The following COBL variants were observed in gnomAD, a reference collection of about 807,000 sequenced individuals.
COBL encodes the protein protein cordon-bleu.
In COBL, 51 loss-of-function variants were observed where a neutral mutation model predicts 98.8. The ratio of observed to expected loss-of-function variants is 0.52; its 90% CI spans 0.41 to 0.65. The LOEUF (loss-of-function observed/expected upper bound fraction) is 0.65, where lower values mean the gene tolerates loss of function less well. Among genes scored for constraint, COBL ranks in the 30% least tolerant of loss-of-function variants. COBL has a pLI of 0.00. For synonymous variants in COBL, 634 were observed against 651.7 expected (o/e 0.97, Z 0.41); for missense variants, 1,617 against 1,617.5 (o/e 1.00, Z 0.01).
chr7:51,225,177 T>C (rs1794063470), intron 1 of COBL, among the ~76,000 whole-genome samples: 1 of 152,216 alleles, frequency 6.6e-6, no homozygotes, highest in Non-Finnish European at 1.5e-5. Context: ...TTCCTCTGCC[T>C]GTGAGTGGCT....
chr7:51,261,544 G>A, intron 1 of COBL, among the ~76,000 whole-genome samples: 1 of 152,232 alleles, frequency 6.6e-6, no homozygotes, highest in East Asian at 1.9e-4. Context: ...GAACACAGCA[G>A]TGTGATGACA....
chr7:51,021,622 C>T (rs1786945919), intron 12 of COBL, among the ~76,000 whole-genome samples: 1 of 152,152 alleles, frequency 6.6e-6, no homozygotes, highest in South Asian at 2.1e-4. Flanking sequence ...GCCACTATGC[C>T]CAGCCAGCAT....
chr7:51,098,023 C>CAAAA (rs3047141), intron 6 of COBL, among the ~76,000 whole-genome samples: 1 of 94,362 alleles, frequency 1.1e-5, no homozygotes, highest in Non-Finnish European at 2.1e-5. Context: ...GACTCCATCT[C>CAAAA]AAAAAAAAAA....
At chr7:51,133,317 A>G (rs1221655980) in intron 6 of COBL, among the ~76,000 whole-genome samples, 1 of 152,224 alleles carries the variant, frequency 6.6e-6, no homozygotes, top group African/African-American at 2.4e-5. Flanking sequence ...GGAAAACTGC[A>G]TATAATTATT....
At position 51,182,647 on chromosome 7, in the gene COBL, A is replaced by G. The variant is rs577596393; in HGVS notation, c.783+1455T>C. Among the ~76,000 whole-genome samples, 15 of 93,334 alleles carry G rather than the reference A, an allele frequency of 1.6e-4. No homozygotes were observed. In the South Asian group the frequency reaches 4.8e-3, roughly 30 times the overall value. 61.2% of individuals were successfully genotyped at this position (93,334 alleles called of 152,430 possible). On this transcript the variant is annotated intron_variant, in intron 5 of 12. Transcript: ENST00000265136. ...AAAGGAAGCTAGGAGAGGAGGAGGG[A>G]GAGTAGGGGGGAAGAGAGGGGGAGA...
intron 1 of COBL, among the ~76,000 whole-genome samples, chr7:51,283,308 G>C (rs1799969777): frequency 6.6e-6 from 1 of 151,978 alleles, no homozygotes; most frequent in Non-Finnish European, 1.5e-5. Flanking sequence ...TCACTACAGA[G>C]ACCACAGACA....
chr7:51,060,954 T>G (rs768185971), intron 7 of COBL, among the ~76,000 whole-genome samples: 1 of 152,146 alleles, frequency 6.6e-6, no homozygotes, highest in Non-Finnish European at 1.5e-5. Context: ...AGGAGATCCC[T>G]TAGGACTTCC....
At chr7:51,148,736 A>G (rs1441112053) in intron 5 of COBL, among the ~76,000 whole-genome samples, 1 of 152,094 alleles carries the variant, frequency 6.6e-6, no homozygotes, top group Non-Finnish European at 1.5e-5. Context: ...CACTCCCCTG[A>G]ATACCCCTTC....
In COBL at chr7:51,215,494, T is replaced by C. The variant is rs553864351; in HGVS notation, c.245+4247A>G. 2.1e-4 allele frequency among the ~76,000 whole-genome samples: 32 copies of C among 152,334 alleles called. No individual in the cohort carries two copies. The South Asian group carries it at 6.2e-3, about 30-fold the overall frequency. On this transcript the variant is annotated intron_variant, in intron 2 of 12. Coordinates refer to ENST00000265136, the MANE Select transcript of COBL (RefSeq NM_015198.5). ...TGATGAGTGAAGATCCAGATGATCA[T>C]ACCCACTGAACATACCAAGACTCAC...
At chr7:51,098,571 T>A (rs972638181) in intron 6 of COBL, among the ~76,000 whole-genome samples, 1 of 152,116 alleles carries the variant, frequency 6.6e-6, no homozygotes, top group South Asian at 2.1e-4. Flanking sequence ...TACAAAAGAA[T>A]GAAATTGGGC....
At chr7:51,202,896 C>T (rs754850938) in intron 2 of COBL, among the ~76,000 whole-genome samples, 1 of 152,074 alleles carries the variant, frequency 6.6e-6, no homozygotes, top group Non-Finnish European at 1.5e-5. Context: ...TAAAAATTAG[C>T]TGAGCATGGT....
chr7:51,198,532 A>C (rs1187842237), intron 2 of COBL, among the ~76,000 whole-genome samples: 4 of 152,030 alleles, frequency 2.6e-5, no homozygotes, highest in African/African-American at 2.4e-5. Context: ...CTCTGCATTT[A>C]TTTCTTTTAC....
intron 6 of COBL, among the ~76,000 whole-genome samples, chr7:51,113,760 T>C (rs1163955198): frequency 6.6e-6 from 1 of 152,256 alleles, no homozygotes; most frequent in Non-Finnish European, 1.5e-5. Flanking sequence ...CAGCACTTAA[T>C]GGTTTAGTTT....
chr7:51,301,366 T>C (rs1801950551), intron 1 of COBL, among the ~76,000 whole-genome samples: 1 of 152,202 alleles, frequency 6.6e-6, no homozygotes, highest in Non-Finnish European at 1.5e-5. Flanking sequence ...TCACAGCCCG[T>C]GCTCTCCACT....
intron 5 of COBL, among the ~76,000 whole-genome samples, chr7:51,152,104 A>G (rs1356846342): frequency 1.3e-5 from 2 of 152,350 alleles, no homozygotes; most frequent in East Asian, 3.9e-4. Context: ...TTTAAGGACT[A>G]TGGCATTACA....
At chr7:51,266,635 C>T (rs897208596) in intron 1 of COBL, among the ~76,000 whole-genome samples, 6 of 152,128 alleles carry the variant, frequency 3.9e-5, no homozygotes, top group South Asian at 2.1e-4. Context: ...AAGTGAGAAA[C>T]GGCTTTTCTG....
intron 8 of COBL, chr7:51,034,911 T>G (rs1235197423): frequency 6.6e-6 from 1 of 152,242 alleles, no homozygotes; most frequent in Non-Finnish European, 1.5e-5. Flanking sequence ...TCAGGCTGCA[T>G]GTGTTGAATA....
chr7:51,179,796 C>T (rs1042217498), intron 5 of COBL, among the ~76,000 whole-genome samples: 2 of 152,136 alleles, frequency 1.3e-5, no homozygotes, highest in South Asian at 4.1e-4. Context: ...AATCTAATTT[C>T]AAACCTGATG....
intron 5 of COBL, chr7:51,172,657 T>G: frequency 2.4e-6 from 1 of 418,912 alleles, no homozygotes; most frequent in Non-Finnish European, 3.7e-6. Context: ...ACTTAATAGG[T>G]GTAATCTTTA....
Sources: gnomAD v4.1 joint callset for allele counts (sites outside exome capture counted in the v4.1 genomes callset) on GRCh38, gnomAD v4.1.1 for gene constraint, MANE v1.5 for transcripts, NCBI Gene and HGNC (gene_info 2026-07-23, HGNC 2026-07-21) for gene names.